C13orf42: variants seen among roughly 807,000 people sequenced by gnomAD.
C13orf42 encodes chromosome 13 open reading frame 42.
intron 1 of C13orf42, among the ~76,000 whole-genome samples, chr13:51,158,226 A>C (rs961511668): frequency 6.6e-6 from 1 of 152,224 alleles, no homozygotes; most frequent in Non-Finnish European, 1.5e-5. Context: ...CAGAACCTAC[A>C]GTTCTCAGCC....
chr13:51,091,059 C>T (rs1953176115), intron 1 of C13orf42, among the ~76,000 whole-genome samples: 1 of 152,196 alleles, frequency 6.6e-6, no homozygotes, highest in Non-Finnish European at 1.5e-5. Flanking sequence ...CACTTTCCCA[C>T]ACCTTGCCAT....
intron 1 of C13orf42, among the ~76,000 whole-genome samples, chr13:51,162,697 AAGG>A (rs563377295): frequency 1.7e-3 from 266 of 152,292 alleles, no homozygotes; most frequent in South Asian, 7.9e-3. Context: ...GCTGGCAAAG[AAGG>A]AGATCACCTA....
In C13orf42 at chr13:51,153,621, G is replaced by GTTTTTTTTT. The variant is rs1202370498; in HGVS notation, n.136+18631_136+18632insAAAAAAAAA. 3.7e-3 allele frequency among the ~76,000 whole-genome samples: 305 copies of GTTTTTTTTT among 81,982 alleles called. 5 individuals are homozygous for GTTTTTTTTT. The highest frequency in any genetic ancestry group is 9.5e-3 in the East Asian group (28 of 2,944). 53.8% of individuals were successfully genotyped at this position (81,982 alleles called of 152,430 possible). On this transcript the variant is annotated intron_variant and non_coding_transcript_variant, in intron 1 of 4. Transcript: ENST00000433280. ...TTATCAACCCATTTTCTTGCTTTCT[G>GTTTTTTTTT]TTTTTTTTCTTTTTTTTTTTTTTTT...
chr13:51,094,563 T>C (rs1247740924), intron 1 of C13orf42, among the ~76,000 whole-genome samples: 1 of 152,208 alleles, frequency 6.6e-6, no homozygotes, highest in Admixed American at 6.5e-5. Context: ...ATTTTTACCT[T>C]TTCCCAGTCC....
At chr13:51,114,214 G>A (rs1953463732), upstream of C13orf42, among the ~76,000 whole-genome samples, 1 of 152,168 alleles carries the variant, frequency 6.6e-6, no homozygotes, top group East Asian at 1.9e-4. Flanking sequence ...GAGAATGAGA[G>A]TATGGGCCTT....
intron 1 of C13orf42, among the ~76,000 whole-genome samples, chr13:51,089,712 C>T (rs1001102666): frequency 5.9e-5 from 9 of 151,982 alleles, no homozygotes; most frequent in Admixed American, 5.2e-4. Context: ...GCTTCTGCTC[C>T]ATCACATTGG....
At position 51,162,344 on chromosome 13, in the gene C13orf42, C is replaced by T. The variant is rs78202153; in HGVS notation, n.136+9909G>A. ...GACAACTTTAACAAACCCCACCCTGCGGAACAGACCCATGTCCACAGCTCA... is the reference window on the plus strand; with the variant it reads ...GACAACTTTAACAAACCCCACCCTGTGGAACAGACCCATGTCCACAGCTCA... On this transcript the variant is annotated intron_variant and non_coding_transcript_variant, in intron 1 of 4. Coordinates refer to the C13orf42 transcript ENST00000433280. 8.2e-3 allele frequency: 1,422 copies of T among 173,818 alleles called. 14 individuals carry two copies. The highest frequency in any genetic ancestry group is 0.015 in the Non-Finnish European group (1,145 of 78,726). The allele number at this position is 173,818 out of a possible 1,614,324, so 10.8% of individuals were successfully genotyped here. A position where few individuals can be genotyped will look rare whatever the true frequency, so the allele number is the denominator to read the frequency against.
chr13:51,088,214 C>A, intron 1 of C13orf42, 139 bp from the exon 2 acceptor site: 2 of 394,384 alleles, frequency 5.1e-6, no homozygotes, highest in Non-Finnish European at 4.5e-6. Flanking sequence ...TGAATAAGTG[C>A]CCTGTGGAAG....
chr13:51,095,542 T>C (rs1953224822), intron 1 of C13orf42, among the ~76,000 whole-genome samples: 1 of 152,090 alleles, frequency 6.6e-6, no homozygotes, highest in Admixed American at 6.6e-5. Context: ...ATTTGGTTTT[T>C]TTTTTAACTA....
chr13:51,140,630 T>C lies in C13orf42; in HGVS notation n.137-27408A>G, dbSNP rs376680606. Among the ~76,000 whole-genome samples, 19 of 152,318 alleles carry C rather than the reference T, an allele frequency of 1.2e-4. No homozygotes were observed. In the East Asian group the frequency reaches 1.9e-3, roughly 15 times the overall value. On this transcript the variant is annotated intron_variant and non_coding_transcript_variant, in intron 1 of 4. Coordinates refer to the C13orf42 transcript ENST00000433280. ...GTTCTCCCAAAATTAGGTTGAGATCTAAAGTTTATTTTGCTGTAAAACTCC... is the reference window on the plus strand; with the variant it reads ...GTTCTCCCAAAATTAGGTTGAGATCCAAAGTTTATTTTGCTGTAAAACTCC...
At chr13:51,166,023 T>C (rs188965236) in intron 1 of C13orf42, among the ~76,000 whole-genome samples, 1 of 152,330 alleles carries the variant, frequency 6.6e-6, no homozygotes, top group East Asian at 1.9e-4. Flanking sequence ...GACAGAATTA[T>C]TATTCCCATG....
intron 1 of C13orf42, among the ~76,000 whole-genome samples, chr13:51,141,233 T>A (rs968485392): frequency 1.3e-5 from 2 of 151,582 alleles, no homozygotes; most frequent in African/African-American, 4.8e-5. Flanking sequence ...CCAAAGGTTT[T>A]TTTTTGTTTT....
chr13:51,129,059 A>C (rs1953596083), intron 1 of C13orf42, among the ~76,000 whole-genome samples: 1 of 152,278 alleles, frequency 6.6e-6, no homozygotes, highest in East Asian at 1.9e-4. Context: ...AGCTTTAATC[A>C]TGCCTAGAAC....
At chr13:51,094,858 C>T (rs1953216298) in intron 1 of C13orf42, among the ~76,000 whole-genome samples, 1 of 151,970 alleles carries the variant, frequency 6.6e-6, no homozygotes, top group South Asian at 2.1e-4. Flanking sequence ...AATTGTAGCT[C>T]CCATAATTCC....
At chr13:51,096,722 C>A (rs1953238139) in intron 1 of C13orf42, among the ~76,000 whole-genome samples, 1 of 152,144 alleles carries the variant, frequency 6.6e-6, no homozygotes, top group South Asian at 2.1e-4. Flanking sequence ...TGAAATAATG[C>A]TTTTCTGTGT....
At position 51,085,464 on chromosome 13, in the gene C13orf42, T is replaced by C. The variant is rs1953112076; in HGVS notation, c.658A>G (p.Thr220Ala). ...SEDIAAHTVH[T>A]VDGQFRRSTE... ...CTCCTTCGAAACTGGCCGTCTACAG[T>C]ATGCACAGTGTGGGCAGCGATATCC... is the stretch of plus-strand genomic sequence containing the variant. Residue 220 changes from threonine (T) to alanine (A), a missense_variant, in exon 3 of 4, where the codon ACT becomes GCT. Transcript: ENST00000563710. 2.5e-6 allele frequency: 1 copy of C among 398,490 alleles called. No individual in the cohort carries two copies. Among genetic ancestry groups the C allele is most frequent in the African/African-American group, 2.1e-5 (1 of 48,630 alleles). 24.7% of individuals were successfully genotyped at this position (398,490 alleles called of 1,614,324 possible). A position where few individuals can be genotyped will look rare whatever the true frequency, so the allele number is the denominator to read the frequency against.
chr13:51,119,217 G>A (rs1235089890), intron 1 of C13orf42, among the ~76,000 whole-genome samples: 2 of 152,044 alleles, frequency 1.3e-5, no homozygotes, highest in Non-Finnish European at 2.9e-5. Flanking sequence ...TGCAAGCATG[G>A]AGTGAGCTGC....
intron 1 of C13orf42, among the ~76,000 whole-genome samples, chr13:51,151,773 G>T (rs999041486): frequency 4.6e-5 from 7 of 152,244 alleles, no homozygotes; most frequent in African/African-American, 1.2e-4. Context: ...AGCCAAGGAA[G>T]GCTTCCTGGA....
rs1490229123 is a variant in C13orf42 at position 51,085,463 on chromosome 13, G to A, written c.659C>T (p.Thr220Ile). The A allele has an allele frequency of 2.5e-6, 1 of 398,536 alleles. No homozygotes were observed. The highest frequency in any genetic ancestry group is 2.1e-5 in the African/African-American group (1 of 48,640). The allele number at this position is 398,536 out of a possible 1,614,324, so 24.7% of individuals were successfully genotyped here. A position where few individuals can be genotyped will look rare whatever the true frequency, so the allele number is the denominator to read the frequency against. Residue 220 changes from threonine to isoleucine, a missense_variant, in exon 3 of 4, where the codon ACT becomes ATT. Physicochemically the swap from Thr to Ile is moderately conservative, Grantham distance 89. Transcript: ENST00000563710. The part of the protein sequence containing the change: ...SEDIAAHTVH[T>I]VDGQFRRSTE... The stretch of plus-strand genomic sequence containing the variant: ...GCTCCTTCGAAACTGGCCGTCTACA[G>A]TATGCACAGTGTGGGCAGCGATATC...
Sources: allele counts gnomAD v4.1 joint callset (sites outside exome capture counted in the v4.1 genomes callset), GRCh38; gene constraint gnomAD v4.1.1; transcripts MANE v1.5; gene names NCBI Gene and HGNC (gene_info 2026-07-23, HGNC 2026-07-21).